The following SLC24A3 variants were observed in gnomAD, a reference collection of about 807,000 sequenced individuals.
The protein encoded by SLC24A3 is solute carrier family 24 member 3, also known as sodium/potassium/calcium exchanger 3.
In SLC24A3, 28 loss-of-function variants were observed where a neutral mutation model predicts 75.8. The ratio of observed to expected loss-of-function variants is 0.37; its 90% CI spans 0.27 to 0.51. The LOEUF (loss-of-function observed/expected upper bound fraction) is 0.51. SLC24A3 is among the 20% of genes least tolerant of loss of function. The pLI, the probability that SLC24A3 is intolerant of heterozygous loss-of-function variation, is 0.94. For synonymous variants in SLC24A3, 372 were observed against 334.1 expected, an observed-to-expected ratio of 1.11 and a Z score of -1.24; for missense variants, 663 against 847.8, an observed-to-expected ratio of 0.78 and a Z score of 2.71.
At chr20:19,577,208 C>T (rs1026866570) in intron 3 of SLC24A3, among the ~76,000 whole-genome samples, 5 of 152,090 alleles carry the variant, frequency 3.3e-5, no homozygotes, top group African/African-American at 7.2e-5. Flanking sequence ...GAGCCCACCA[C>T]CACGCGCAGC....
At chr20:19,444,578 C>T (rs187688720) in intron 2 of SLC24A3, among the ~76,000 whole-genome samples, 2 of 150,370 alleles carry the variant, frequency 1.3e-5, no homozygotes, top group African/African-American at 4.9e-5. Context: ...AGAATTGGCC[C>T]ATATCATCTA....
intron 2 of SLC24A3, among the ~76,000 whole-genome samples, chr20:19,282,309 AAAAC>A (rs1983688435): frequency 6.6e-6 from 1 of 152,196 alleles, no homozygotes; most frequent in African/African-American, 2.4e-5. Context: ...AACAAAAACA[AAAAC>A]AAACAAAAAA....
At chr20:19,635,835 T>C (rs2031993913) in intron 6 of SLC24A3, among the ~76,000 whole-genome samples, 1 of 152,082 alleles carries the variant, frequency 6.6e-6, no homozygotes, top group South Asian at 2.1e-4. Flanking sequence ...TGAGAGTAAA[T>C]GTTCCAGAAA....
chr20:19,408,336 G>A (rs145782120), intron 2 of SLC24A3, among the ~76,000 whole-genome samples: 4 of 150,828 alleles, frequency 2.7e-5, no homozygotes, highest in African/African-American at 7.3e-5. Flanking sequence ...AGATTAACCC[G>A]TATAATAATT....
At chr20:19,479,053 T>C (rs1988007671) in intron 2 of SLC24A3, among the ~76,000 whole-genome samples, 1 of 152,246 alleles carries the variant, frequency 6.6e-6, no homozygotes, top group South Asian at 2.1e-4. Context: ...AGCAGGTCTC[T>C]GAGGATGGTG....
At chr20:19,332,070 GAGA>G (rs1314186835) in intron 2 of SLC24A3, among the ~76,000 whole-genome samples, 1 of 152,224 alleles carries the variant, frequency 6.6e-6, no homozygotes, top group African/African-American at 2.4e-5. Flanking sequence ...GGGAGAGAAG[GAGA>G]AGAATTGGAG....
At chr20:19,609,091 C>T (rs900555656) in intron 6 of SLC24A3, among the ~76,000 whole-genome samples, 2 of 152,118 alleles carry the variant, frequency 1.3e-5, no homozygotes, top group Admixed American at 6.5e-5. Context: ...TTCTCTATCC[C>T]CCCAAAGAAA....
chr20:19,675,190 A>C (rs1217316236), intron 9 of SLC24A3, among the ~76,000 whole-genome samples: 1 of 152,140 alleles, frequency 6.6e-6, no homozygotes, highest in Non-Finnish European at 1.5e-5. Context: ...GAATGCAGAG[A>C]TGTTCTGTGC....
chr20:19,331,838 C>T (rs532507070), intron 2 of SLC24A3, among the ~76,000 whole-genome samples: 4 of 152,036 alleles, frequency 2.6e-5, no homozygotes, highest in African/African-American at 4.8e-5. Flanking sequence ...ATCAGTGTTA[C>T]GGAAAAAGGG....
chr20:19,585,107 G>A (rs777881420), intron 5 of SLC24A3, 52 bp downstream of exon 5: 5 of 1,527,816 alleles, frequency 3.3e-6, no homozygotes, highest in Non-Finnish European at 4.5e-6. Flanking sequence ...GAAGGAAAAG[G>A]GCTCTGGGAA....
intron 3 of SLC24A3, among the ~76,000 whole-genome samples, chr20:19,556,791 A>C (rs1054032890): frequency 6.6e-6 from 1 of 152,152 alleles, no homozygotes; most frequent in Non-Finnish European, 1.5e-5. Flanking sequence ...CTCAAACCCA[A>C]AGTAAGAGAG....
chr20:19,532,681 A>C (rs2030324202), intron 3 of SLC24A3, among the ~76,000 whole-genome samples: 1 of 152,236 alleles, frequency 6.6e-6, no homozygotes, highest in Admixed American at 6.5e-5. Flanking sequence ...GACTCTGCCC[A>C]TGGAGCACTT....
chr20:19,362,690 A>T (rs6046019), intron 2 of SLC24A3, among the ~76,000 whole-genome samples: 83,769 of 152,006 alleles, frequency 0.55, 24,552 homozygotes, highest in African/African-American at 0.76. Context: ...CCAAAGTAGA[A>T]GGAGGACTTG....
At chr20:19,671,636 G>A (rs967811253) in intron 8 of SLC24A3, among the ~76,000 whole-genome samples, 3 of 145,416 alleles carry the variant, frequency 2.1e-5, no homozygotes, top group African/African-American at 7.7e-5. Context: ...CCCAGGGTTG[G>A]TTTTTTTTTT....
intron 1 of SLC24A3, among the ~76,000 whole-genome samples, chr20:19,249,449 C>G (rs1309224073): frequency 6.6e-6 from 1 of 152,228 alleles, no homozygotes; most frequent in Non-Finnish European, 1.5e-5. Context: ...TCCTGTGTCT[C>G]CAAATCTAGA....
intron 6 of SLC24A3, among the ~76,000 whole-genome samples, chr20:19,629,971 G>C (rs1277538484): frequency 6.6e-6 from 1 of 152,162 alleles, no homozygotes; most frequent in East Asian, 1.9e-4. Flanking sequence ...GAAGCTCTCT[G>C]GTAAAGGTAA....
At chr20:19,413,987 C>A (rs935353905) in intron 2 of SLC24A3, among the ~76,000 whole-genome samples, 1 of 151,746 alleles carries the variant, frequency 6.6e-6, no homozygotes, top group South Asian at 2.1e-4. Flanking sequence ...ACATTAAGAC[C>A]CAAAATAGAT....
chr20:19,465,744 C>T (rs545507731), intron 2 of SLC24A3, among the ~76,000 whole-genome samples: 4 of 152,174 alleles, frequency 2.6e-5, no homozygotes, highest in Admixed American at 6.5e-5. Context: ...TGCCCAATTG[C>T]ACTCAGCAGT....
Position 19,685,377 on chromosome 20 carries a change from T to G in SLC24A3, c.1324+16T>G, listed in dbSNP as rs1368819683. On this transcript the variant is annotated intron_variant, in intron 12 of 16. Coordinates refer to ENST00000328041, the MANE Select transcript of SLC24A3 (RefSeq NM_020689.4). ...GACACCCCCTGTAAGAGGTTCTATG[T>G]CTGGGCTGGGGTTGGGAGCTATTTT... The G allele has an allele frequency of 1.2e-6, 2 of 1,610,650 alleles. No homozygotes were observed. Among genetic ancestry groups the G allele is most frequent in the Non-Finnish European group, 1.7e-6 (2 of 1,177,336 alleles).
Sources: allele counts gnomAD v4.1 joint callset (sites outside exome capture counted in the v4.1 genomes callset), GRCh38; gene constraint gnomAD v4.1.1; transcripts MANE v1.5; gene names NCBI Gene and HGNC (gene_info 2026-07-23, HGNC 2026-07-21).